OR6J1: variants seen among roughly 807,000 people sequenced by gnomAD.
OR6J1 encodes the protein olfactory receptor family 6 subfamily J member 1.
For missense variants in OR6J1, 304 were observed against 166.8 expected (o/e 1.82, Z -4.53); for synonymous variants, 109 against 70.0 (o/e 1.56, Z -2.78).
At position 22,633,710 on chromosome 14, in the gene OR6J1, T is replaced by C. The variant is rs368881530; in HGVS notation, c.*58A>G. 3.5e-4 allele frequency: 216 copies of C among 621,652 alleles called. No individual in the cohort carries two copies. In the East Asian group the frequency reaches 4.1e-3, roughly 12 times the overall value. The allele number at this position is 621,652 out of a possible 1,614,324, so 38.5% of individuals were successfully genotyped here. On this transcript the variant is annotated 3_prime_UTR_variant, in exon 2 of 2. Transcript: ENST00000540461. ...GTCTCCGCAGTCAGTCTTTCCACTA[T>C]AGACTATTCAGAATTCCTTAGCTAG... is the stretch of plus-strand genomic sequence containing the variant.
In OR6J1 at chr14:22,631,184, T is replaced by G. The variant is rs2037542913; in HGVS notation, c.*2584A>C. On this transcript the variant is annotated 3_prime_UTR_variant, in exon 2 of 2. Coordinates refer to ENST00000540461, the MANE Select transcript of OR6J1 (RefSeq NM_001348233.2). ...TTGCTAATGAAGTTTCGGGCACCAT[T>G]GTCATTGATAACATCTTATCAGGAG... 6.6e-6 allele frequency: 1 copy of G among 152,174 alleles called. No individual in the cohort carries two copies. 9.4% of individuals were successfully genotyped at this position (152,174 alleles called of 1,614,324 possible). A position where few individuals can be genotyped will look rare whatever the true frequency, so the allele number is the denominator to read the frequency against.
chr14:22,639,541 A>G (rs1221307635), intron 1 of OR6J1, among the ~76,000 whole-genome samples: 3 of 130,278 alleles, frequency 2.3e-5, no homozygotes, highest in Non-Finnish European at 4.7e-5. Flanking sequence ...GTGGAATAGA[A>G]AGGCGGGAAA....
rs2037573190 is a variant in OR6J1 at position 22,634,850 on chromosome 14, A to T, written c.-27-12T>A. On this transcript the variant is annotated splice_polypyrimidine_tract_variant and intron_variant, in intron 1 of 1. Transcript: ENST00000540461. ...CTGGCTCAATTCTCCTAACAGAACA[A>T]AGGGAGATAACACTTAAGAGAGTGT... 1 of 637,576 alleles carries T rather than the reference A, an allele frequency of 1.6e-6. No individual in the cohort carries two copies. The highest frequency in any genetic ancestry group is 2.7e-5 in the East Asian group (1 of 36,874). The allele number at this position is 637,576 out of a possible 1,614,324, so 39.5% of individuals were successfully genotyped here.
chr14:22,641,773 A>C (rs2037654898), intron 1 of OR6J1, among the ~76,000 whole-genome samples: 1 of 152,220 alleles, frequency 6.6e-6, no homozygotes, highest in Non-Finnish European at 1.5e-5. Flanking sequence ...CTGATTTCAG[A>C]AAAATCACAG....
At position 22,632,581 on chromosome 14, in the gene OR6J1, CAG is replaced by C. The variant is rs764442910; in HGVS notation, c.*1185_*1186del. ...ACTCCGTCTCAAAACAAAAACAAAACAGATTCTTTCCAGGTGTATGGAGCCAG... is the reference window on the plus strand; with the variant it reads ...ACTCCGTCTCAAAACAAAAACAAAACATTCTTTCCAGGTGTATGGAGCCAG... On this transcript the variant is annotated 3_prime_UTR_variant, in exon 2 of 2. Coordinates refer to ENST00000540461, the MANE Select transcript of OR6J1 (RefSeq NM_001348233.2). The C allele has an allele frequency of 7.9e-5, 12 of 152,396 alleles. No homozygotes were observed. Among genetic ancestry groups the C allele is most frequent in the Admixed American group, 4.6e-4 (7 of 15,300 alleles). The allele number at this position is 152,396 out of a possible 1,614,324, so 9.4% of individuals were successfully genotyped here.
rs1468294450 is a variant in OR6J1, at chr14:22,633,939, C to T, written c.873G>A (p.Leu291=). 1 of 702,894 alleles carries T rather than the reference C, an allele frequency of 1.4e-6. No homozygotes were observed. Among genetic ancestry groups the T allele is most frequent in the Non-Finnish European group, 2.6e-6 (1 of 384,846 alleles). 43.5% of individuals were successfully genotyped at this position (702,894 alleles called of 1,614,324 possible). The change falls in exon 2 of 2, where the codon CTG becomes CTA. Residue 291 remains leucine, a synonymous_variant. Coordinates refer to ENST00000540461, the MANE Select transcript of OR6J1 (RefSeq NM_001348233.2). ...TPFLNPFIYT[L]RNDTVQGVLR... is the part of the protein sequence containing the mutation. ...GGACTCCCTGCACTGTGTCATTCCT[C>T]AGAGTATATATAAAGGGGTTGAGGA...
chr14:22,636,691 CG>C (rs2037589514), intron 1 of OR6J1, among the ~76,000 whole-genome samples: 1 of 116,712 alleles, frequency 8.6e-6, no homozygotes, highest in South Asian at 2.5e-4. Context: ...GCCGGGATTG[CG>C]GACGGAGTCT....
At chr14:22,639,178 T>C (rs1350148209) in intron 1 of OR6J1, among the ~76,000 whole-genome samples, 14 of 112,876 alleles carry the variant, frequency 1.2e-4, no homozygotes, top group African/African-American at 2.7e-4. Context: ...AGCCACCCCA[T>C]CTGGGAAGTG....
In OR6J1 at chr14:22,633,863, C is replaced by A. The variant is rs567764417; in HGVS notation, c.949G>T (p.Ala317Ser). ...GAGGATAATCTGCTTCTCAGCACTGCCCTCATCCTCTTTTCAAAAACTCCT... is the reference window on the plus strand; with the variant it reads ...GAGGATAATCTGCTTCTCAGCACTGACCTCATCCTCTTTTCAAAAACTCCT... ...VRGVFEKRMR[A>S]VLRSRLSSNK... Residue 317 changes from alanine (A) to serine (S), a missense_variant, in exon 2 of 2, where the codon GCA (alanine) becomes TCA (serine). Ala to Ser is a moderately conservative substitution (Grantham distance 99). Transcript: ENST00000540461. The A allele has an allele frequency of 5.7e-6, 4 of 702,828 alleles. No individual in the cohort carries two copies. The Admixed American group carries it at 8.0e-5, about 14-fold the overall frequency. 43.5% of individuals were successfully genotyped at this position (702,828 alleles called of 1,614,324 possible). A position where few individuals can be genotyped will look rare whatever the true frequency, so the allele number is the denominator to read the frequency against.
At chr14:22,637,164 C>T (rs2037595229) in intron 1 of OR6J1, among the ~76,000 whole-genome samples, 1 of 109,264 alleles carries the variant, frequency 9.2e-6, no homozygotes. Flanking sequence ...AGTGAGGAAA[C>T]CCTCTGCCTG....
At position 22,640,228 on chromosome 14, in the gene OR6J1, G is replaced by GGGAAGGAAGGAT. The variant is rs754455707; in HGVS notation, c.-28+3858_-28+3869dup. ...AGAGAGGGAGGGAGGGAGGGAGGGAGGGAAGGAAGGATGGAAGGAAGGAAG... is the reference window on the plus strand; with the variant it reads ...AGAGAGGGAGGGAGGGAGGGAGGGAGGGAAGGAAGGATGGAAGGAAGGATGGAAGGAAGGAAG... On this transcript the variant is annotated intron_variant, in intron 1 of 1. Coordinates refer to ENST00000540461, the MANE Select transcript of OR6J1 (RefSeq NM_001348233.2). Among the ~76,000 whole-genome samples, 72 of 97,848 alleles carry GGGAAGGAAGGAT rather than the reference G, an allele frequency of 7.4e-4. 1 individual carries two copies. Among genetic ancestry groups the GGGAAGGAAGGAT allele is most frequent in the African/African-American group, 1.9e-3 (43 of 23,078 alleles). The allele number at this position is 97,848 out of a possible 152,430, so 64.2% of individuals were successfully genotyped here.
intron 1 of OR6J1, among the ~76,000 whole-genome samples, chr14:22,638,595 T>G (rs1296539505): frequency 1.3e-5 from 1 of 77,366 alleles, no homozygotes; most frequent in Non-Finnish European, 2.4e-5. Flanking sequence ...CCTCCACTAT[T>G]GTCCTATGAC....
At chr14:22,635,341 A>T (rs974222845) in intron 1 of OR6J1, among the ~76,000 whole-genome samples, 2 of 152,242 alleles carry the variant, frequency 1.3e-5, no homozygotes, top group South Asian at 2.1e-4. Context: ...TTTTACAGTA[A>T]CATATAAATG....
Position 22,634,150 on chromosome 14 carries a change from A to T in OR6J1, c.662T>A (p.Ile221Asn), listed in dbSNP as rs747174712. The T allele has an allele frequency of 4.3e-6, 3 of 703,418 alleles. 1 individual carries two copies. The South Asian group carries it at 4.4e-5, about 10-fold the overall frequency. 43.6% of individuals were successfully genotyped at this position (703,418 alleles called of 1,614,324 possible). A position where few individuals can be genotyped will look rare whatever the true frequency, so the allele number is the denominator to read the frequency against. The change falls in exon 2 of 2, where the codon ATC becomes AAC. Residue 221 changes from isoleucine to asparagine, a missense_variant. By Grantham distance (149) the Ile-to-Asn change is moderately radical. Transcript: ENST00000540461. Reference protein sequence around the residue: ...VLVAYSYTYIILTIVRIPSAS... With the variant: ...VLVAYSYTYINLTIVRIPSAS... ...AGAAGGAATGCGCACTATGGTCAAGATGATGTACGTATAGGAATAGGCCAC... is the reference window on the plus strand; with the variant it reads ...AGAAGGAATGCGCACTATGGTCAAGTTGATGTACGTATAGGAATAGGCCAC...
Position 22,636,051 on chromosome 14 carries a change from A to T in OR6J1, c.-27-1213T>A, listed in dbSNP as rs114365681. 6.6e-3 allele frequency among the ~76,000 whole-genome samples: 998 copies of T among 152,218 alleles called. 13 individuals are homozygous for T. Among genetic ancestry groups the T allele is most frequent in the African/African-American group, 0.023 (962 of 41,554 alleles). ...ATGCCACAGATAATGGACAAACTTT[A>T]GTACTCATGTAATTAACATTTTGAT... is the stretch of plus-strand genomic sequence containing the variant. On this transcript the variant is annotated intron_variant, in intron 1 of 1. Transcript: ENST00000540461.
At position 22,634,550 on chromosome 14, in the gene OR6J1, C is replaced by G; in HGVS notation, c.262G>C (p.Asp88His). The change falls in exon 2 of 2, where the codon GAT (aspartate) becomes CAT (histidine). Residue 88 changes from aspartate to histidine, a missense_variant. By Grantham distance (81) the Asp-to-His change is moderately conservative. Transcript: ENST00000540461. The stretch of plus-strand genomic sequence containing the variant: ...CATCCGGCAAAGGAGATGGTTTTAT[C>G]CCTAGATCCTAAGTTGGCCAACACT... ...PKVLANLGSRDKTISFAGCIT... is the reference protein window; with the variant it reads ...PKVLANLGSRHKTISFAGCIT... 1 of 705,740 alleles carries G rather than the reference C, an allele frequency of 1.4e-6. No homozygotes were observed. Among genetic ancestry groups the G allele is most frequent in the Non-Finnish European group, 2.6e-6 (1 of 385,716 alleles). The allele number at this position is 705,740 out of a possible 1,614,324, so 43.7% of individuals were successfully genotyped here.
intron 1 of OR6J1, among the ~76,000 whole-genome samples, chr14:22,638,067 G>A (rs1323231170): frequency 1.9e-5 from 2 of 105,368 alleles, no homozygotes; most frequent in East Asian, 2.4e-4. Flanking sequence ...CGCCCCATCC[G>A]GGAGGTGAGG....
chr14:22,641,733 G>A (rs976166295), intron 1 of OR6J1, among the ~76,000 whole-genome samples: 15 of 152,290 alleles, frequency 9.8e-5, no homozygotes, highest in Admixed American at 2.6e-4. Context: ...CCCTCGCACA[G>A]CTTTCAGTCT....
intron 1 of OR6J1, among the ~76,000 whole-genome samples, chr14:22,643,888 G>A (rs926981901): frequency 6.6e-6 from 1 of 151,590 alleles, no homozygotes; most frequent in African/African-American, 2.4e-5. Context: ...CACCAAATCT[G>A]GAAATGGTAG....
Sources: allele counts gnomAD v4.1 joint callset (sites outside exome capture counted in the v4.1 genomes callset), GRCh38; gene constraint gnomAD v4.1.1; transcripts MANE v1.5; gene names NCBI Gene and HGNC (gene_info 2026-07-23, HGNC 2026-07-21).